DPP6: variants seen among roughly 807,000 people sequenced by gnomAD.
DPP6 encodes the protein A-type potassium channel modulatory protein DPP6.
Under a neutral mutation model 122.6 loss-of-function variants are expected in DPP6, and 69 were observed. The ratio of observed to expected loss-of-function variants is 0.56; its 90% CI spans 0.46 to 0.69. The LOEUF is 0.69. DPP6 is among the 30% of genes least tolerant of loss of function. The pLI, the probability that DPP6 is intolerant of heterozygous loss-of-function variation, is 0.00. For synonymous variants in DPP6, 418 were observed against 433.1 expected, an observed-to-expected ratio of 0.97 and a Z score of 0.43; for missense variants, 928 against 1,116.9, an observed-to-expected ratio of 0.83 and a Z score of 2.41.
chr7:154,872,573 C>G (rs983619149), intron 18 of DPP6, 51 bp from the exon 19 acceptor site: 8 of 1,557,778 alleles, frequency 5.1e-6, no homozygotes, highest in Non-Finnish European at 6.9e-6. Flanking sequence ...TGCCCGATAC[C>G]CCGTGGCCAG....
rs58383279 is a variant in DPP6 at position 154,178,517 on chromosome 7, G to GAA, written c.243+125465_243+125466dup. Among the ~76,000 whole-genome samples the GAA allele has an allele frequency of 2.4e-3, 330 of 139,914 alleles. 3 individuals are homozygous for GAA. The highest frequency in any genetic ancestry group is 2.5e-3 in the Non-Finnish European group (160 of 64,574). 91.8% of individuals were successfully genotyped at this position (139,914 alleles called of 152,430 possible). The stretch of plus-strand genomic sequence containing the variant: ...GGGGATTCTTGGAAAAAAAAATCCT[G>GAA]AAAAAAAAAAAACAATTCTAGTTTA... On this transcript the variant is annotated intron_variant, in intron 1 of 25. Transcript: ENST00000377770.
At position 154,801,811 on chromosome 7, in the gene DPP6, C is replaced by T. The variant is rs530749575; in HGVS notation, c.1407+349C>T. On this transcript the variant is annotated intron_variant, in intron 13 of 25. Coordinates refer to ENST00000377770, the MANE Select transcript of DPP6 (RefSeq NM_130797.4). ...CTGAGGGTCTCCTTAACATACTCCC[C>T]GCTGAGGCATGGCTCCATGCACTCA... Among the ~76,000 whole-genome samples the T allele has an allele frequency of 6.6e-5, 10 of 152,208 alleles. No individual in the cohort carries two copies. In the South Asian group the frequency reaches 1.7e-3, roughly 25 times the overall value.
At chr7:154,779,440 C>G (rs1435835227) in intron 10 of DPP6, among the ~76,000 whole-genome samples, 1 of 152,140 alleles carries the variant, frequency 6.6e-6, no homozygotes, top group Non-Finnish European at 1.5e-5. Flanking sequence ...TAAACAAGCT[C>G]TCCTGCCTCA....
At chr7:154,742,940 C>T (rs371060366) in intron 8 of DPP6, among the ~76,000 whole-genome samples, 21 of 152,300 alleles carry the variant, frequency 1.4e-4, no homozygotes, top group Admixed American at 1.2e-3. Context: ...CCAGAAATTC[C>T]CCTTTACTGC....
At chr7:154,154,051 C>T (rs1241346272) in intron 1 of DPP6, among the ~76,000 whole-genome samples, 1 of 152,186 alleles carries the variant, frequency 6.6e-6, no homozygotes, top group Non-Finnish European at 1.5e-5. Flanking sequence ...TTCCCATCAG[C>T]CAGGAGGTGA....
Position 154,893,462 on chromosome 7 carries a change from A to C in DPP6, c.*982A>C, listed in dbSNP as rs1455106343. 5.4e-5 allele frequency: 7 copies of C among 128,958 alleles called. No homozygotes were observed. Among genetic ancestry groups the C allele is most frequent in the African/African-American group, 1.3e-4 (4 of 31,842 alleles). 8.0% of individuals were successfully genotyped at this position (128,958 alleles called of 1,614,324 possible). On this transcript the variant is annotated 3_prime_UTR_variant, in exon 26 of 26. Transcript: ENST00000377770. ...CCATGACATTTGGTTTAAAAAAAAA[A>C]AAAAAAAAAAAAAAAAAACAGAAAA...
chr7:154,812,737 T>G (rs796829983), intron 16 of DPP6, among the ~76,000 whole-genome samples: 1 of 152,204 alleles, frequency 6.6e-6, no homozygotes, highest in South Asian at 2.1e-4. Flanking sequence ...ATTGTAATCA[T>G]AGCTGATTGT....
rs557258196 is a variant in DPP6, at chr7:154,421,418, G to T, written c.244-24796G>T. ...GCTCACTGCAACCTCCGCCTCCCAGGTTCAACCAATTCTCTTGCATCATCC... is the reference window on the plus strand; with the variant it reads ...GCTCACTGCAACCTCCGCCTCCCAGTTTCAACCAATTCTCTTGCATCATCC... On this transcript the variant is annotated intron_variant, in intron 1 of 25. Coordinates refer to ENST00000377770, the MANE Select transcript of DPP6 (RefSeq NM_130797.4). 4.0e-5 allele frequency among the ~76,000 whole-genome samples: 6 copies of T among 151,706 alleles called. No individual in the cohort carries two copies. In the East Asian group the frequency reaches 1.2e-3, roughly 30 times the overall value.
At chr7:154,808,342 A>G (rs1798828273) in intron 16 of DPP6, among the ~76,000 whole-genome samples, 1 of 152,212 alleles carries the variant, frequency 6.6e-6, no homozygotes, top group Non-Finnish European at 1.5e-5. Flanking sequence ...ACACAAGCTC[A>G]GCCCCTGACA....
intron 1 of DPP6, among the ~76,000 whole-genome samples, chr7:154,063,579 G>A (rs1458622662): frequency 8.5e-6 from 1 of 117,572 alleles, no homozygotes; most frequent in African/African-American, 3.1e-5. Context: ...TCCGCCTCTG[G>A]CTGATAGTAC....
intron 1 of DPP6, among the ~76,000 whole-genome samples, chr7:154,372,969 G>C (rs1586087439): frequency 6.6e-6 from 1 of 152,194 alleles, no homozygotes; most frequent in Non-Finnish European, 1.5e-5. Context: ...CCTGGAAATG[G>C]AGTTCGCGTC....
intron 1 of DPP6, among the ~76,000 whole-genome samples, chr7:154,250,235 C>T (rs551108806): frequency 3.3e-5 from 5 of 152,162 alleles, no homozygotes; most frequent in South Asian, 4.2e-4. Flanking sequence ...TGCTCCCAGC[C>T]GAATAAAGCC....
At chr7:154,160,733 C>T (rs978600179) in intron 1 of DPP6, among the ~76,000 whole-genome samples, 1 of 152,132 alleles carries the variant, frequency 6.6e-6, no homozygotes, top group Non-Finnish European at 1.5e-5. Flanking sequence ...GGCTCACTTC[C>T]AGAAGACAGA....
At chr7:154,451,556 A>G (rs1210433769) in intron 2 of DPP6, among the ~76,000 whole-genome samples, 7 of 152,080 alleles carry the variant, frequency 4.6e-5, no homozygotes. Context: ...CCTCCAGCAC[A>G]GCAGCTGACC....
At chr7:154,047,399 G>A (rs1352963714), upstream of DPP6, among the ~76,000 whole-genome samples, 2 of 149,960 alleles carry the variant, frequency 1.3e-5, no homozygotes, top group African/African-American at 2.5e-5. Flanking sequence ...AGGGCAAGGC[G>A]CTCTAGGGGC....
Position 153,967,502 on chromosome 7 carries a change from T to C in DPP6, c.51+79768T>C, listed in dbSNP as rs550597525. Among the ~76,000 whole-genome samples, 218 of 152,262 alleles carry C rather than the reference T, an allele frequency of 1.4e-3. 1 individual carries two copies. In the South Asian group the frequency reaches 0.027, roughly 19 times the overall value. ...AATTACCAAGCCTGCCTTGTAGTGA[T>C]TGGGGAGGGAGAGTTGGTCCGTTGT... On this transcript the variant is annotated intron_variant, in intron 1 of 25. Transcript: ENST00000404039.
intron 7 of DPP6, among the ~76,000 whole-genome samples, chr7:154,701,270 C>T (rs1840511086): frequency 6.6e-6 from 1 of 152,218 alleles, no homozygotes; most frequent in Non-Finnish European, 1.5e-5. Context: ...TCCTCTGCCT[C>T]TCATCAACAG....
chr7:154,507,226 T>C (rs1825730425), intron 3 of DPP6, among the ~76,000 whole-genome samples: 1 of 152,120 alleles, frequency 6.6e-6, no homozygotes, highest in South Asian at 2.1e-4. Flanking sequence ...TTAGTGCAAG[T>C]AGACAATATT....
At chr7:154,550,773 G>A (rs1405006461) in intron 4 of DPP6, among the ~76,000 whole-genome samples, 5 of 131,684 alleles carry the variant, frequency 3.8e-5, no homozygotes, top group Middle Eastern at 4.4e-3. Context: ...TTTTTGAGAC[G>A]AAGTTTTGCT....
Sources: allele counts gnomAD v4.1 joint callset (sites outside exome capture counted in the v4.1 genomes callset), GRCh38; gene constraint gnomAD v4.1.1; transcripts MANE v1.5; gene names NCBI Gene and HGNC (gene_info 2026-07-23, HGNC 2026-07-21).